The following GPT2 variants were observed in gnomAD, a reference collection of about 807,000 sequenced individuals.
The protein encoded by GPT2 is glutamic--pyruvic transaminase 2, also known as alanine aminotransferase 2.
A neutral mutation model predicts 56.9 loss-of-function variants in GPT2; 30 were observed. That is an observed-to-expected ratio of 0.53 (90% CI 0.39 to 0.72). The LOEUF (loss-of-function observed/expected upper bound fraction) is 0.72, where lower values mean the gene tolerates loss of function less well. GPT2 is among the 30% of genes least tolerant of loss of function. GPT2 has a pLI of 0.00. For synonymous variants in GPT2, 271 were observed against 283.1 expected (o/e 0.96, Z 0.43); for missense variants, 542 against 703.4 (o/e 0.77, Z 2.60).
intron 7 of GPT2, 41 bp downstream of exon 7, chr16:46,916,748 C>G (rs1365284099): frequency 7.1e-7 from 1 of 1,402,466 alleles, no homozygotes; most frequent in Non-Finnish European, 1.0e-6. Context: ...CACTAGCTTT[C>G]TCTTCTAGAG....
At chr16:46,907,933 TC>T (rs200990376) in intron 5 of GPT2, among the ~76,000 whole-genome samples, 1,871 of 151,896 alleles carry the variant, frequency 0.012, 34 homozygotes, top group African/African-American at 0.042. Flanking sequence ...TGCAGTGGAG[TC>T]TACAGTCCTG....
chr16:46,898,903 CATATATAT>C (rs1215799366), intron 3 of GPT2, among the ~76,000 whole-genome samples: 1 of 131,278 alleles, frequency 7.6e-6, no homozygotes, highest in East Asian at 2.1e-4. Context: ...TATATATACA[CATATATAT>C]ACACACACAT....
intron 11 of GPT2, among the ~76,000 whole-genome samples, chr16:46,928,494 G>A (rs960240575): frequency 6.6e-6 from 1 of 151,322 alleles, no homozygotes; most frequent in South Asian, 2.1e-4. Context: ...GTGGTGGCAG[G>A]CATCTGTAAT....
intron 2 of GPT2, among the ~76,000 whole-genome samples, chr16:46,889,003 T>C (rs1340953865): frequency 6.6e-6 from 1 of 152,072 alleles, no homozygotes; most frequent in African/African-American, 2.4e-5. Flanking sequence ...TAATTATAGC[T>C]GTTCAGCCAA....
chr16:46,929,005 T>C lies in GPT2; in HGVS notation c.*8T>C. Reference sequence around the variant, plus strand: ...CTGGAGAAGTACGCGTGAGGACGCCTGAGCCCCAGCGGGAGACCTGTCCTT... The same window carrying C: ...CTGGAGAAGTACGCGTGAGGACGCCCGAGCCCCAGCGGGAGACCTGTCCTT... On this transcript the variant is annotated 3_prime_UTR_variant, in exon 12 of 12. Transcript: ENST00000340124. 6.2e-7 allele frequency: 1 copy of C among 1,610,430 alleles called. No individual in the cohort carries two copies. Among genetic ancestry groups the C allele is most frequent in the Non-Finnish European group, 8.5e-7 (1 of 1,176,604 alleles).
chr16:46,891,726 T>G (rs1254688056), intron 2 of GPT2, among the ~76,000 whole-genome samples: 2 of 152,090 alleles, frequency 1.3e-5, no homozygotes, highest in Non-Finnish European at 2.9e-5. Context: ...TCAGGGTAAA[T>G]GAGGTATCCA....
intron 3 of GPT2, 114 bp downstream of exon 3, chr16:46,897,851 C>T: frequency 1.2e-6 from 1 of 807,568 alleles, no homozygotes; most frequent in Non-Finnish European, 2.0e-6. Flanking sequence ...GCCTGATACC[C>T]TCTGGCTGTC....
At chr16:46,918,586 A>T in intron 7 of GPT2, 35 bp from the exon 8 acceptor site, 1 of 1,610,148 alleles carries the variant, frequency 6.2e-7, no homozygotes, top group Non-Finnish European at 8.5e-7. Context: ...CTCTTTGAGG[A>T]CCCTTTGGTG....
chr16:46,889,246 ATTT>A (rs35803215), intron 2 of GPT2, among the ~76,000 whole-genome samples: 46 of 94,946 alleles, frequency 4.8e-4, no homozygotes, highest in African/African-American at 1.9e-3. Context: ...CAGGCTGTTA[ATTT>A]TTTTTTTTTT....
chr16:46,905,618 GTCT>G (rs1356043868), intron 4 of GPT2, among the ~76,000 whole-genome samples: 3 of 152,152 alleles, frequency 2.0e-5, no homozygotes, highest in East Asian at 3.9e-4. Flanking sequence ...ACCAGTTTGA[GTCT>G]TCTTCCAGAG....
At chr16:46,924,226 C>T (rs757015559) in intron 9 of GPT2, 163 bp from the exon 10 acceptor site, 13 of 774,168 alleles carry the variant, frequency 1.7e-5, no homozygotes, top group Middle Eastern at 2.4e-4. Context: ...GTGACCCAGG[C>T]AGAGCAAATC....
chr16:46,928,977 T>C lies in GPT2; in HGVS notation c.1552T>C (p.Phe518Leu). The change falls in exon 12 of 12, where the codon TTC (phenylalanine) becomes CTC (leucine). Residue 518 changes from phenylalanine (F) to leucine (L), a missense_variant. Coordinates refer to ENST00000340124, the MANE Select transcript of GPT2 (RefSeq NM_133443.4). ...LQKVKDFHIN[F>L]LEKYA ...GAAGGTGAAAGACTTCCACATCAACTTCCTGGAGAAGTACGCGTGAGGACG... is the reference window on the plus strand; with the variant it reads ...GAAGGTGAAAGACTTCCACATCAACCTCCTGGAGAAGTACGCGTGAGGACG... 1.2e-6 allele frequency: 2 copies of C among 1,614,094 alleles called. No individual in the cohort carries two copies. The highest frequency in any genetic ancestry group is 2.2e-5 in the South Asian group (2 of 91,082).
In GPT2 at chr16:46,930,882, G is replaced by C. The variant is rs1304409972; in HGVS notation, c.*1885G>C. 1 of 152,650 alleles carries C rather than the reference G, an allele frequency of 6.6e-6. No individual in the cohort carries two copies. Among genetic ancestry groups the C allele is most frequent in the Non-Finnish European group, 1.5e-5 (1 of 68,038 alleles). 9.5% of individuals were successfully genotyped at this position (152,650 alleles called of 1,614,324 possible). A position where few individuals can be genotyped will look rare whatever the true frequency, so the allele number is the denominator to read the frequency against. On this transcript the variant is annotated 3_prime_UTR_variant, in exon 12 of 12. Coordinates refer to ENST00000340124, the MANE Select transcript of GPT2 (RefSeq NM_133443.4). ...TTTGCTTTCAAAATAAATAAGGTCA[G>C]CTAGTCTAGGAGGTTAACGTCGGGT...
chr16:46,922,519 T>G, intron 9 of GPT2, 103 bp downstream of exon 9: 6 of 1,149,182 alleles, frequency 5.2e-6, no homozygotes, highest in Non-Finnish European at 7.3e-6. Flanking sequence ...AGCAGCCTCC[T>G]GAGGGTGTGG....
chr16:46,897,954 C>A (rs915550393), intron 3 of GPT2, among the ~76,000 whole-genome samples: 3 of 152,204 alleles, frequency 2.0e-5, no homozygotes, highest in Non-Finnish European at 2.9e-5. Flanking sequence ...CAGGGAGACT[C>A]TTCCACAAGG....
rs950178984 is a variant in GPT2 at position 46,930,794 on chromosome 16, A to G, written c.*1797A>G. The G allele has an allele frequency of 6.6e-6, 1 of 152,644 alleles. No individual in the cohort carries two copies. Among genetic ancestry groups the G allele is most frequent in the Non-Finnish European group, 1.5e-5 (1 of 68,052 alleles). 9.5% of individuals were successfully genotyped at this position (152,644 alleles called of 1,614,324 possible). ...ATTTTTTATAAATCTTCAGATTATA[A>G]ACAGCCCCTAAAAACTTTACAACGT... On this transcript the variant is annotated 3_prime_UTR_variant, in exon 12 of 12. Transcript: ENST00000340124.
chr16:46,910,380 C>A (rs1481227056), intron 6 of GPT2, among the ~76,000 whole-genome samples: 32 of 46,478 alleles, frequency 6.9e-4, no homozygotes, highest in South Asian at 1.7e-3. Context: ...GACTCTGTCT[C>A]AAAAAAAAAA....
At chr16:46,902,490 T>G (rs528141883) in intron 4 of GPT2, among the ~76,000 whole-genome samples, 1 of 152,274 alleles carries the variant, frequency 6.6e-6, no homozygotes, top group South Asian at 2.1e-4. Context: ...CTCTGTCACC[T>G]ACGCTCTGGG....
At chr16:46,927,444 C>T (rs1961440870) in intron 11 of GPT2, among the ~76,000 whole-genome samples, 1 of 152,194 alleles carries the variant, frequency 6.6e-6, no homozygotes, top group Admixed American at 6.5e-5. Context: ...TGGGCCATGG[C>T]ACTGCCTGTG....
Sources: allele counts gnomAD v4.1 joint callset (sites outside exome capture counted in the v4.1 genomes callset), GRCh38; gene constraint gnomAD v4.1.1; transcripts MANE v1.5; gene names NCBI Gene and HGNC (gene_info 2026-07-23, HGNC 2026-07-21).